Variants in VPS25 observed in about 807,000 individuals in gnomAD.
VPS25 encodes vacuolar protein-sorting-associated protein 25.
In VPS25, 21 loss-of-function variants were observed where a neutral mutation model predicts 30.3. The observed-to-expected ratio is 0.69, with a 90% CI of 0.49 to 1.00. VPS25 has a LOEUF of 1.00. VPS25 is among the 50% of genes least tolerant of loss of function. VPS25 has a pLI of 0.00. For missense variants in VPS25, 156 were observed against 217.2 expected (o/e 0.72, Z 1.77); for synonymous variants, 101 against 88.1 (o/e 1.15, Z -0.82).
Position 42,778,081 on chromosome 17 carries a change from G to C in VPS25, c.419-876G>C, listed in dbSNP as rs146349982. On this transcript the variant is annotated intron_variant, in intron 5 of 5. Coordinates refer to ENST00000253794, the MANE Select transcript of VPS25 (RefSeq NM_032353.4). ...CCCTGACTTAGCTGAGCCCCCACAG[G>C]GGGTGAGGTAAGCAAGCCTGTCAGG... is the stretch of plus-strand genomic sequence containing the variant. 9.3e-3 allele frequency among the ~76,000 whole-genome samples: 1,418 copies of C among 152,244 alleles called. 15 individuals carry two copies. The highest frequency in any genetic ancestry group is 0.031 in the African/African-American group (1,268 of 41,538).
rs536512778 is a variant in VPS25, at chr17:42,773,593, C to T, written c.53+65C>T. On this transcript the variant is annotated intron_variant, in intron 1 of 5. Coordinates refer to ENST00000253794, the MANE Select transcript of VPS25 (RefSeq NM_032353.4). Reference sequence around the variant, plus strand: ...CCCCTCCCCCGGACCCTGGGCTCAGCCCTGATGCTTCATATGGGGAGGGGG... The same window carrying T: ...CCCCTCCCCCGGACCCTGGGCTCAGTCCTGATGCTTCATATGGGGAGGGGG... The T allele has an allele frequency of 1.9e-5, 31 of 1,611,586 alleles. No individual in the cohort carries two copies. The African/African-American group carries it at 2.0e-4, about 10-fold the overall frequency.
intron 3 of VPS25, 161 bp from the exon 4 acceptor site, chr17:42,775,220 T>C (rs953458692): frequency 1.4e-5 from 8 of 574,962 alleles, no homozygotes; most frequent in Non-Finnish European, 2.5e-5. Flanking sequence ...TAATTTTTTG[T>C]ATTTTCTATA....
intron 2 of VPS25, chr17:42,774,293 G>A (rs1168377415): frequency 1.4e-5 from 4 of 281,534 alleles, no homozygotes; most frequent in African/African-American, 2.2e-5. Flanking sequence ...TAAAATATCT[G>A]TGGAGAAAGG....
chr17:42,774,808 G>A (rs750704942), intron 3 of VPS25, 109 bp downstream of exon 3: 1 of 940,338 alleles, frequency 1.1e-6, no homozygotes, highest in African/African-American at 1.7e-5. Context: ...CTCCTGGCTT[G>A]AAGGCCAGAG....
At position 42,774,628 on chromosome 17, in the gene VPS25, C is replaced by G. The variant is rs775907737; in HGVS notation, c.200-18C>G. 2.5e-6 allele frequency: 4 copies of G among 1,611,200 alleles called. No individual in the cohort carries two copies. Among genetic ancestry groups the G allele is most frequent in the Non-Finnish European group, 3.4e-6 (4 of 1,177,902 alleles). ...CTACCCAACTCATGTGTATGCCGTTCCCTTAACCTTAAACCAGGAAAGCTT... is the reference window on the plus strand; with the variant it reads ...CTACCCAACTCATGTGTATGCCGTTGCCTTAACCTTAAACCAGGAAAGCTT... On this transcript the variant is annotated intron_variant, in intron 2 of 5. Coordinates refer to ENST00000253794, the MANE Select transcript of VPS25 (RefSeq NM_032353.4).
In VPS25 at chr17:42,773,552, A is replaced by G. The variant is rs894304752; in HGVS notation, c.53+24A>G. On this transcript the variant is annotated intron_variant, in intron 1 of 5. Transcript: ENST00000253794. ...ACGTGAGGCTCAGACCCCAAGAAGC[A>G]CCGCTGTGCCTCCCTCCCCTCCCCC... 5 of 1,613,956 alleles carry G rather than the reference A, an allele frequency of 3.1e-6. No homozygotes were observed. In the African/African-American group the frequency reaches 6.7e-5, roughly 22 times the overall value.
At chr17:42,777,909 G>A (rs1441653244) in intron 5 of VPS25, among the ~76,000 whole-genome samples, 4 of 152,218 alleles carry the variant, frequency 2.6e-5, no homozygotes, top group Non-Finnish European at 5.9e-5. Flanking sequence ...TGCCCTAGCA[G>A]AGTTTATAGC....
rs2054422140 is a variant in VPS25, at chr17:42,773,759, A to G, written c.80A>G (p.Gln27Arg). 6.2e-7 allele frequency: 1 copy of G among 1,614,150 alleles called. No individual in the cohort carries two copies. Among genetic ancestry groups the G allele is most frequent in the African/African-American group, 1.3e-5 (1 of 75,062 alleles). The change falls in exon 2 of 6, where the codon CAG becomes CGG. Residue 27 changes from glutamine to arginine, a missense_variant. Gln to Arg is a conservative substitution (Grantham distance 43). Transcript: ENST00000253794. ...FTLQPNVDTR[Q>R]KQLAAWCSLV... The stretch of plus-strand genomic sequence containing the variant: ...TTACAACCGAATGTGGACACTCGGC[A>G]GAAGCAGCTGGCCGCCTGGTGCTCG...
At chr17:42,777,630 T>C (rs1292914553) in intron 5 of VPS25, among the ~76,000 whole-genome samples, 1 of 152,246 alleles carries the variant, frequency 6.6e-6, no homozygotes, top group African/African-American at 2.4e-5. Context: ...TCTCATTCCT[T>C]GCTGACTCAG....
chr17:42,773,549 A>G, intron 1 of VPS25, 21 bp downstream of exon 1: 1 of 1,614,196 alleles, frequency 6.2e-7, no homozygotes, highest in Non-Finnish European at 8.5e-7. Flanking sequence ...GACCCCAAGA[A>G]GCACCGCTGT....
intron 4 of VPS25, among the ~76,000 whole-genome samples, chr17:42,775,785 G>GA (rs1336083506): frequency 6.6e-6 from 1 of 152,088 alleles, no homozygotes; most frequent in Non-Finnish European, 1.5e-5. Context: ...GAAAGGAAGG[G>GA]AAAAAACCTG....
intron 5 of VPS25, among the ~76,000 whole-genome samples, chr17:42,778,708 G>T (rs1411914903): frequency 1.3e-5 from 2 of 152,204 alleles, no homozygotes; most frequent in Non-Finnish European, 2.9e-5. Flanking sequence ...TGCTAGGTGT[G>T]GGGGAGGCTG....
chr17:42,775,568 A>C, intron 4 of VPS25, 99 bp downstream of exon 4: 1 of 942,880 alleles, frequency 1.1e-6, no homozygotes, highest in Non-Finnish European at 1.6e-6. Flanking sequence ...ATCCAGACTG[A>C]GCAAAATGGG....
intron 3 of VPS25, 22 bp downstream of exon 3, chr17:42,774,721 C>A: frequency 6.2e-7 from 1 of 1,606,610 alleles, no homozygotes; most frequent in Non-Finnish European, 8.5e-7. Flanking sequence ...TCCCCAGATT[C>A]CTTATTTTTC....
intron 4 of VPS25, among the ~76,000 whole-genome samples, chr17:42,775,808 C>G (rs1234135443): frequency 6.6e-6 from 1 of 152,160 alleles, no homozygotes; most frequent in East Asian, 1.9e-4. Flanking sequence ...GCCCCTCCCC[C>G]ACTGCACTGT....
At chr17:42,778,817 A>C in intron 5 of VPS25, 140 bp from the exon 6 acceptor site, 1 of 633,186 alleles carries the variant, frequency 1.6e-6, no homozygotes. Context: ...GTGCCTGGGA[A>C]GTGTGGATGG....
chr17:42,779,103 A>G lies in VPS25; in HGVS notation c.*34A>G. 6.3e-7 allele frequency: 1 copy of G among 1,581,790 alleles called. No homozygotes were observed. The highest frequency in any genetic ancestry group is 1.7e-5 in the Admixed American group (1 of 57,868). ...TGTCTCCCTTTACTTCTTACCTCCC[A>G]CCTTTCCAGGGCTTTCAAAAGGAGA... is the stretch of plus-strand genomic sequence containing the variant. On this transcript the variant is annotated 3_prime_UTR_variant, in exon 6 of 6. Transcript: ENST00000253794.
At chr17:42,775,104 GC>G in intron 3 of VPS25, 1 of 416,454 alleles carries the variant, frequency 2.4e-6, no homozygotes, top group East Asian at 4.2e-5. Context: ...GAGTGCAGTG[GC>G]TCAGTCCTAT....
At chr17:42,774,090 A>C in intron 2 of VPS25, 1 of 548,078 alleles carries the variant, frequency 1.8e-6, no homozygotes. Context: ...GACTGCTCGG[A>C]TGTCATTAAG....
Sources: gnomAD v4.1 joint callset for allele counts (sites outside exome capture counted in the v4.1 genomes callset) on GRCh38, gnomAD v4.1.1 for gene constraint, MANE v1.5 for transcripts, NCBI Gene and HGNC (gene_info 2026-07-23, HGNC 2026-07-21) for gene names.